ATP10B: variants seen among roughly 807,000 people sequenced by gnomAD.
The protein encoded by ATP10B is phospholipid-transporting ATPase VB.
A neutral mutation model predicts 141.2 loss-of-function variants in ATP10B; 122 were observed. The observed-to-expected ratio is 0.86, with a 90% CI of 0.75 to 1.00. The LOEUF (loss-of-function observed/expected upper bound fraction) is 1.00. Ranked by LOEUF, ATP10B falls within the 50% of genes least tolerant of loss-of-function variation. The pLI is 0.00. For synonymous variants in ATP10B, 685 were observed against 692.0 expected (o/e 0.99, Z 0.16); for missense variants, 1,876 against 1,825.3 (o/e 1.03, Z -0.51).
At chr5:160,904,161 A>G in the ATP10B span, among the ~76,000 whole-genome samples, 1 of 152,036 alleles carries the variant, frequency 6.6e-6, no homozygotes. Context: ...GAAGTTGGAT[A>G]TGGTTTCCTG....
At chr5:160,630,860 CAA>C (rs1758881884) in intron 13 of ATP10B, among the ~76,000 whole-genome samples, 1 of 152,260 alleles carries the variant, frequency 6.6e-6, no homozygotes, top group Non-Finnish European at 1.5e-5. Context: ...TGTCCTCACC[CAA>C]AGTTAGATGA....
At chr5:160,776,846 G>A (rs537406668) in intron 2 of ATP10B, among the ~76,000 whole-genome samples, 1 of 152,306 alleles carries the variant, frequency 6.6e-6, no homozygotes, top group South Asian at 2.1e-4. Context: ...ACCCTGGCCA[G>A]CATACTGATT....
At chr5:160,642,196 C>G (rs181139815) in intron 9 of ATP10B, among the ~76,000 whole-genome samples, 149 of 152,226 alleles carry the variant, frequency 9.8e-4, no homozygotes, top group African/African-American at 3.5e-3. Flanking sequence ...GGTGAGTGAT[C>G]CTCTTTGTAC....
At position 160,801,401 on chromosome 5, in the gene ATP10B, G is replaced by T. The variant is rs139550273; in HGVS notation, c.-575-15598C>A. ...ACCTTCAGCCTCAGACTACAGCCAG[G>T]CTGAGTGACTGGGAGATGTCTGATT... is the stretch of plus-strand genomic sequence containing the variant. On this transcript the variant is annotated intron_variant, in intron 1 of 25. Coordinates refer to ENST00000327245, the MANE Select transcript of ATP10B (RefSeq NM_025153.3). 1.7e-4 allele frequency among the ~76,000 whole-genome samples: 26 copies of T among 152,222 alleles called. No individual in the cohort carries two copies. In the East Asian group the frequency reaches 4.6e-3, roughly 27 times the overall value.
Position 160,615,921 on chromosome 5 carries a change from C to T in ATP10B, c.2570G>A (p.Arg857His), listed in dbSNP as rs200404119. ...EDFRRWASFR[R>H]EAEASLDNRD... ...GTTGTCGAGGGATGCCTCAGCCTCA[C>T]GCCGGAAACTGGCCCATCTCCGGAA... The change falls in exon 17 of 26, where the codon CGT (arginine) becomes CAT (histidine). Residue 857 changes from arginine (R) to histidine (H), a missense_variant. Physicochemically the swap from Arg to His is conservative, Grantham distance 29. Transcript: ENST00000327245. 1.8e-4 allele frequency: 291 copies of T among 1,613,906 alleles called. 1 individual carries two copies. The African/African-American group carries it at 2.3e-3, about 13-fold the overall frequency.
intron 7 of ATP10B, 71 bp from the exon 8 acceptor site, chr5:160,649,327 C>G: frequency 1.8e-6 from 2 of 1,091,154 alleles, no homozygotes; most frequent in Non-Finnish European, 2.8e-6. Flanking sequence ...ACTGGGAGAG[C>G]TAATCACTGT....
At chr5:160,576,378 G>A (rs1015857232) in intron 24 of ATP10B, among the ~76,000 whole-genome samples, 5 of 152,132 alleles carry the variant, frequency 3.3e-5, no homozygotes, top group Middle Eastern at 3.2e-3. Context: ...AACTACAGAC[G>A]TGACTGCAAA....
chr5:160,748,032 GC>G (rs1335817849), intron 2 of ATP10B, among the ~76,000 whole-genome samples: 4 of 151,620 alleles, frequency 2.6e-5, no homozygotes, highest in Non-Finnish European at 5.9e-5. Flanking sequence ...CGGGGTTGTG[GC>G]GGGGAGCGCA....
chr5:160,926,888 G>A, the ATP10B span, among the ~76,000 whole-genome samples: 3 of 152,206 alleles, frequency 2.0e-5, no homozygotes, highest in Non-Finnish European at 2.9e-5. Flanking sequence ...ACACCTTCCT[G>A]TGTATTCGCT....
chr5:160,782,095 C>G (rs958047947), intron 2 of ATP10B, among the ~76,000 whole-genome samples: 3 of 152,154 alleles, frequency 2.0e-5, no homozygotes, highest in African/African-American at 4.8e-5. Context: ...AAATGCCACT[C>G]TTTAGGAAGT....
At chr5:160,918,968 G>A in the ATP10B span, among the ~76,000 whole-genome samples, 12 of 151,486 alleles carry the variant, frequency 7.9e-5, no homozygotes, top group African/African-American at 2.9e-4. Context: ...GCTCACGCCT[G>A]TAATCCCAGC....
intron 11 of ATP10B, among the ~76,000 whole-genome samples, chr5:160,635,546 A>G (rs112394881): frequency 0.011 from 1,702 of 152,330 alleles, 28 homozygotes; most frequent in African/African-American, 0.038. Context: ...ATAATCACCA[A>G]TAAGAGGGCA....
intron 1 of ATP10B, among the ~76,000 whole-genome samples, chr5:160,814,015 C>A (rs1026898224): frequency 1.2e-4 from 19 of 152,232 alleles, no homozygotes; most frequent in African/African-American, 4.3e-4. Context: ...AAGGTAGATA[C>A]AACCACAAAG....
intron 7 of ATP10B, among the ~76,000 whole-genome samples, chr5:160,669,241 T>C (rs1384791937): frequency 6.6e-6 from 1 of 152,242 alleles, no homozygotes; most frequent in East Asian, 1.9e-4. Flanking sequence ...AAAGCATTGA[T>C]ATTAATACCA....
At chr5:160,629,855 C>G (rs769134575) in intron 13 of ATP10B, among the ~76,000 whole-genome samples, 7 of 152,166 alleles carry the variant, frequency 4.6e-5, no homozygotes, top group Non-Finnish European at 8.8e-5. Flanking sequence ...TAATTCATAG[C>G]TGGAAGTTAG....
chr5:160,665,488 A>T (rs957489462), intron 7 of ATP10B, among the ~76,000 whole-genome samples: 4 of 152,242 alleles, frequency 2.6e-5, no homozygotes, highest in Admixed American at 2.6e-4. Context: ...GCTCAGGGCT[A>T]AAGAAAGTTT....
At chr5:160,837,889 T>C (rs958292318) in intron 1 of ATP10B, among the ~76,000 whole-genome samples, 3 of 152,186 alleles carry the variant, frequency 2.0e-5, no homozygotes, top group Admixed American at 2.0e-4. Context: ...CATAAAGGTA[T>C]TTTATGTCTC....
At chr5:160,788,091 A>G (rs1771300001) in intron 1 of ATP10B, among the ~76,000 whole-genome samples, 1 of 152,282 alleles carries the variant, frequency 6.6e-6, no homozygotes, top group Non-Finnish European at 1.5e-5. Flanking sequence ...CCTTGCCATT[A>G]TAGGCATTTG....
chr5:160,877,662 A>G, the ATP10B span, among the ~76,000 whole-genome samples: 2 of 149,538 alleles, frequency 1.3e-5, no homozygotes, highest in African/African-American at 4.9e-5. Context: ...AAATCTCCTT[A>G]AGCTGATAAG....
Sources: gnomAD v4.1 joint callset for allele counts (sites outside exome capture counted in the v4.1 genomes callset) on GRCh38, gnomAD v4.1.1 for gene constraint, MANE v1.5 for transcripts, NCBI Gene and HGNC (gene_info 2026-07-23, HGNC 2026-07-21) for gene names.